Variants in SKA1 observed in about 807,000 individuals in gnomAD.
SKA1 encodes SKA complex subunit 1.
SKA1 carries 20 observed loss-of-function variants against 31.8 expected under a neutral mutation model. The observed-to-expected ratio is 0.63, with a 90% CI of 0.44 to 0.91. SKA1 has a LOEUF of 0.91. SKA1 is among the 40% of genes least tolerant of loss of function. The pLI is 0.00. For synonymous variants in SKA1, 88 were observed against 100.5 expected (o/e 0.88, Z 0.74); for missense variants, 253 against 298.2 (o/e 0.85, Z 1.12).
chr18:50,376,853 T>C (rs1326828542), intron 2 of SKA1, among the ~76,000 whole-genome samples: 2 of 150,626 alleles, frequency 1.3e-5, no homozygotes, highest in East Asian at 3.9e-4. Flanking sequence ...CAAAAACGAA[T>C]ACACACACAC....
chr18:50,381,128 T>A (rs1294456007), intron 3 of SKA1, among the ~76,000 whole-genome samples: 1 of 152,228 alleles, frequency 6.6e-6, no homozygotes. Flanking sequence ...TGTCCAGGGT[T>A]AGGTGTGGGC....
chr18:50,375,989 CTT>C, intron 2 of SKA1, 71 bp downstream of exon 2: 2 of 961,596 alleles, frequency 2.1e-6, no homozygotes, highest in Non-Finnish European at 1.6e-6. Flanking sequence ...TGAATGATAT[CTT>C]TGCTTGGTTA....
chr18:50,389,407 T>G (rs1165260623), intron 5 of SKA1, among the ~76,000 whole-genome samples: 1 of 147,608 alleles, frequency 6.8e-6, no homozygotes, highest in African/African-American at 2.6e-5. Flanking sequence ...TTTTACTTTT[T>G]TTGTTTTTGA....
intron 5 of SKA1, among the ~76,000 whole-genome samples, chr18:50,387,183 G>C (rs1452990406): frequency 6.6e-6 from 1 of 152,176 alleles, no homozygotes; most frequent in African/African-American, 2.4e-5. Flanking sequence ...TATTGTCAGT[G>C]TTCTGGATTT....
At chr18:50,375,249 T>G (rs2041204532) in intron 1 of SKA1, 55 bp downstream of exon 1, 1 of 152,556 alleles carries the variant, frequency 6.6e-6, no homozygotes, top group Non-Finnish European at 1.5e-5. Context: ...GGTAGCTGCT[T>G]GGCAGCTGGG....
At chr18:50,377,189 TAG>T (rs767165435) in intron 2 of SKA1, among the ~76,000 whole-genome samples, 56 of 152,324 alleles carry the variant, frequency 3.7e-4, no homozygotes, top group Admixed American at 1.4e-3. Flanking sequence ...ATACTGGCAT[TAG>T]AGTTTGTTTA....
chr18:50,386,661 G>A (rs2041310663), intron 5 of SKA1, among the ~76,000 whole-genome samples: 2 of 152,030 alleles, frequency 1.3e-5, no homozygotes, highest in South Asian at 2.1e-4. Context: ...CTACCATTAC[G>A]GTATCATACA....
At chr18:50,388,512 T>C (rs1359585914) in intron 5 of SKA1, among the ~76,000 whole-genome samples, 1 of 144,434 alleles carries the variant, frequency 6.9e-6, no homozygotes, top group Admixed American at 7.4e-5. Flanking sequence ...TGTAACCTTG[T>C]TGTAGTGGTG....
intron 2 of SKA1, among the ~76,000 whole-genome samples, chr18:50,376,184 G>A (rs1250411261): frequency 1.3e-5 from 2 of 152,268 alleles, no homozygotes; most frequent in South Asian, 2.1e-4. Context: ...AGATTTGAAG[G>A]TTATGTGGCA....
At chr18:50,375,460 A>G (rs1188607460) in intron 1 of SKA1, among the ~76,000 whole-genome samples, 2 of 152,186 alleles carry the variant, frequency 1.3e-5, no homozygotes, top group African/African-American at 4.8e-5. Flanking sequence ...CATTTCTTTG[A>G]CAGTGTAACA....
chr18:50,381,956 A>G (rs2041267092), intron 3 of SKA1, among the ~76,000 whole-genome samples, 173 bp from the exon 4 acceptor site: 1 of 152,010 alleles, frequency 6.6e-6, no homozygotes, highest in African/African-American at 2.4e-5. Context: ...CGATCTCCTG[A>G]CCTCATGATC....
chr18:50,382,282 G>A lies in SKA1; in HGVS notation c.311+56G>A, dbSNP rs865833682. The A allele has an allele frequency of 1.0e-5, 11 of 1,092,382 alleles. No homozygotes were observed. The Middle Eastern group carries it at 2.3e-3, about 225-fold the overall frequency. 67.7% of individuals were successfully genotyped at this position (1,092,382 alleles called of 1,614,324 possible). ...TGGATTTATAAACCCATGAAAACAA[G>A]TTCTTCAAAGCCTTTTGTTCTTTCA... On this transcript the variant is annotated intron_variant, in intron 4 of 6. Transcript: ENST00000285116.
rs184011095 is a variant in SKA1, at chr18:50,376,949, G to A, written c.88+1031G>A. On this transcript the variant is annotated intron_variant, in intron 2 of 6. Coordinates refer to ENST00000285116, the MANE Select transcript of SKA1 (RefSeq NM_145060.4). ...CATCTTGTTCCACTAGAAGGTCATC[G>A]GGGCAGTACCACACATGGAGCAGTC... Among the ~76,000 whole-genome samples, 587 of 151,962 alleles carry A rather than the reference G, an allele frequency of 3.9e-3. 3 individuals carry two copies. Among genetic ancestry groups the A allele is most frequent in the African/African-American group, 0.014 (572 of 41,434 alleles).
Position 50,387,182 on chromosome 18 carries a change from T to C in SKA1, c.449+1829T>C, listed in dbSNP as rs146481614. Among the ~76,000 whole-genome samples the C allele has an allele frequency of 5.9e-3, 902 of 152,338 alleles. 8 individuals carry two copies. Among genetic ancestry groups the C allele is most frequent in the African/African-American group, 0.021 (869 of 41,580 alleles). ...ACTCTTTATCATTTGGTATTGTCAG[T>C]GTTCTGGATTTTAGCCACTCTAATA... On this transcript the variant is annotated intron_variant, in intron 5 of 6. Coordinates refer to ENST00000285116, the MANE Select transcript of SKA1 (RefSeq NM_145060.4).
chr18:50,385,163 A>G, intron 4 of SKA1, 53 bp from the exon 5 acceptor site: 1 of 1,448,742 alleles, frequency 6.9e-7, no homozygotes, highest in East Asian at 2.4e-5. Context: ...AACTGTCAGT[A>G]TGCTGCTTAT....
chr18:50,377,125 A>G (rs1425185010), intron 2 of SKA1, among the ~76,000 whole-genome samples: 1 of 152,144 alleles, frequency 6.6e-6, no homozygotes, highest in Non-Finnish European at 1.5e-5. Flanking sequence ...ACTAGTAACC[A>G]TTTATTATCA....
chr18:50,375,990 TTTGC>T, intron 2 of SKA1, 72 bp downstream of exon 2: 1 of 950,996 alleles, frequency 1.1e-6, no homozygotes, highest in Non-Finnish European at 1.6e-6. Flanking sequence ...GAATGATATC[TTTGC>T]TTGGTTAAGT....
rs944218839 is a variant in SKA1 at position 50,394,147 on chromosome 18, T to G, written c.*1900T>G. ...TCATCTGTATCCTTTGTAGTAGCCT[T>G]AAAATAAACTGTTAAACACAAGTAA... On this transcript the variant is annotated 3_prime_UTR_variant, in exon 7 of 7. Transcript: ENST00000285116. 6.6e-6 allele frequency: 1 copy of G among 152,174 alleles called. No individual in the cohort carries two copies. The highest frequency in any genetic ancestry group is 1.5e-5 in the Non-Finnish European group (1 of 68,042). The allele number at this position is 152,174 out of a possible 1,614,324, so 9.4% of individuals were successfully genotyped here.
rs1419973045 is a variant in SKA1 at position 50,392,341 on chromosome 18, T to C, written c.*94T>C. 1.2e-6 allele frequency: 1 copy of C among 852,460 alleles called. No homozygotes were observed. The highest frequency in any genetic ancestry group is 3.4e-5 in the East Asian group (1 of 29,322). The allele number at this position is 852,460 out of a possible 1,614,324, so 52.8% of individuals were successfully genotyped here. On this transcript the variant is annotated 3_prime_UTR_variant, in exon 7 of 7. Coordinates refer to ENST00000285116, the MANE Select transcript of SKA1 (RefSeq NM_145060.4). ...TATATAATTTTTTTAACTTTTAATC[T>C]TTTTTGTTTCCTTTTTTTTTTTTTT...
Sources: allele counts gnomAD v4.1 joint callset (sites outside exome capture counted in the v4.1 genomes callset), GRCh38; gene constraint gnomAD v4.1.1; transcripts MANE v1.5; gene names NCBI Gene and HGNC (gene_info 2026-07-23, HGNC 2026-07-21).